Variants in OCA2 observed in about 807,000 individuals in gnomAD.
OCA2 encodes P protein.
Under a neutral mutation model 100.2 loss-of-function variants are expected in OCA2, and 77 were observed. The ratio of observed to expected loss-of-function variants is 0.77; its 90% CI spans 0.64 to 0.93. OCA2 has a LOEUF of 0.93. Ranked by LOEUF, OCA2 falls within the 40% of genes least tolerant of loss-of-function variation. OCA2 has a pLI of 0.00. For missense variants in OCA2, 1,062 were observed against 1,089.1 expected, an observed-to-expected ratio of 0.98 and a Z score of 0.35; for synonymous variants, 432 against 439.2, an observed-to-expected ratio of 0.98 and a Z score of 0.21.
In OCA2 at chr15:27,951,800, G is replaced by A. The variant is rs763989326; in HGVS notation, c.1935C>T (p.Gly645=). The change falls in exon 18 of 24, where the codon GGC becomes GGT. Residue 645 remains glycine (G), a synonymous_variant. Transcript: ENST00000354638. The part of the protein sequence containing the change: ...FMFFLNSFVP[G]IHLDLGWIAI... ...TAGACTCACCAAGATCAAGATGAAT[G>A]CCAGGGACAAACGAATTGAGGAAAA... 5 of 1,610,496 alleles carry A rather than the reference G, an allele frequency of 3.1e-6. No individual in the cohort carries two copies. In the African/African-American group the frequency reaches 6.7e-5, roughly 22 times the overall value.
At chr15:27,973,759 G>A (rs1368951365) in intron 14 of OCA2, among the ~76,000 whole-genome samples, 1 of 152,134 alleles carries the variant, frequency 6.6e-6, no homozygotes, top group African/African-American at 2.4e-5. Flanking sequence ...CATTGAATCT[G>A]TAAGTTACTT....
intron 19 of OCA2, among the ~76,000 whole-genome samples, chr15:27,872,772 C>T (rs2036634148): frequency 1.3e-5 from 2 of 151,882 alleles, no homozygotes; most frequent in Non-Finnish European, 2.9e-5. Flanking sequence ...TCACTGCAAC[C>T]TCCACCTCCC....
chr15:27,945,458 G>T (rs1238100745), intron 18 of OCA2, among the ~76,000 whole-genome samples: 1 of 152,176 alleles, frequency 6.6e-6, no homozygotes, highest in Non-Finnish European at 1.5e-5. Flanking sequence ...GAGAAGCAAG[G>T]AGCTGAGGGC....
the OCA2 span, among the ~76,000 whole-genome samples, chr15:27,734,891 C>T: frequency 7.9e-5 from 12 of 152,298 alleles, no homozygotes; most frequent in Non-Finnish European, 1.8e-4. Context: ...TCTGCAAAGT[C>T]TGAAATAAGC....
At chr15:27,922,047 C>T (rs1239387230) in intron 19 of OCA2, among the ~76,000 whole-genome samples, 5 of 152,194 alleles carry the variant, frequency 3.3e-5, no homozygotes, top group African/African-American at 9.7e-5. Flanking sequence ...ATTTACAGTA[C>T]TGTACTGTGT....
At chr15:27,896,314 T>C (rs538908509) in intron 19 of OCA2, 2 of 914,966 alleles carry the variant, frequency 2.2e-6, no homozygotes, top group Admixed American at 1.7e-5. Context: ...GCAGATTACA[T>C]GTGCTACTTA....
intron 2 of OCA2, among the ~76,000 whole-genome samples, chr15:28,054,651 T>A (rs1321754880): frequency 2.0e-5 from 3 of 152,234 alleles, no homozygotes; most frequent in African/African-American, 7.2e-5. Flanking sequence ...CTAGTACTCT[T>A]ACATTATTGT....
rs752903316 is a variant in OCA2, at chr15:28,028,032, T to C, written c.354A>G (p.Pro118=). The C allele has an allele frequency of 1.2e-6, 2 of 1,614,224 alleles. No homozygotes were observed. Among genetic ancestry groups the C allele is most frequent in the Middle Eastern group, 1.6e-4 (1 of 6,062 alleles). The change falls in exon 4 of 24, where the codon CCA becomes CCG. Residue 118 remains proline (P), a synonymous_variant. Coordinates refer to ENST00000354638, the MANE Select transcript of OCA2 (RefSeq NM_000275.3). ...AAGACTCTTCAGCAGTGATGAACTC[T>C]GGATGGTAAACAGGTATGCACCGTG... ...KGSRCIPVYH[P]EFITAEESWE... is the part of the protein sequence containing the mutation.
At chr15:27,729,019 T>C in the OCA2 span, among the ~76,000 whole-genome samples, 1 of 152,146 alleles carries the variant, frequency 6.6e-6, no homozygotes, top group Non-Finnish European at 1.5e-5. Context: ...CAGACTGCAC[T>C]TTCAACGCTT....
the OCA2 span, among the ~76,000 whole-genome samples, chr15:27,731,674 G>T: frequency 2.0e-5 from 3 of 152,212 alleles, no homozygotes; most frequent in South Asian, 6.2e-4. Context: ...CCCTGGGGGT[G>T]TACTTAAATT....
At chr15:27,962,864 A>G (rs2040450298) in intron 15 of OCA2, among the ~76,000 whole-genome samples, 1 of 152,210 alleles carries the variant, frequency 6.6e-6, no homozygotes, top group South Asian at 2.1e-4. Flanking sequence ...GAGTAGATAA[A>G]AAATCAGGAT....
At chr15:27,901,689 T>A (rs898770298) in intron 19 of OCA2, among the ~76,000 whole-genome samples, 2 of 152,152 alleles carry the variant, frequency 1.3e-5, no homozygotes, top group Non-Finnish European at 2.9e-5. Context: ...ATAACCTAAA[T>A]GTCAACAAAA....
chr15:27,838,204 G>T (rs1162954985), intron 23 of OCA2, among the ~76,000 whole-genome samples: 1 of 152,104 alleles, frequency 6.6e-6, no homozygotes, highest in Non-Finnish European at 1.5e-5. Flanking sequence ...AAAACAACCT[G>T]AATCCAAAAC....
intron 23 of OCA2, among the ~76,000 whole-genome samples, chr15:27,819,716 ATG>A (rs35627155): frequency 9.2e-5 from 14 of 151,632 alleles, no homozygotes; most frequent in African/African-American, 2.9e-4. Context: ...ATGTATATAA[ATG>A]TGTGTGTGTG....
chr15:28,058,769 C>G (rs1026850263), intron 2 of OCA2, among the ~76,000 whole-genome samples: 16 of 152,222 alleles, frequency 1.1e-4, no homozygotes, highest in African/African-American at 2.4e-5. Flanking sequence ...TAGCTATGAA[C>G]AGCTCCTCCC....
At chr15:27,905,756 A>G (rs1257325744) in intron 19 of OCA2, among the ~76,000 whole-genome samples, 1 of 152,250 alleles carries the variant, frequency 6.6e-6, no homozygotes, top group Non-Finnish European at 1.5e-5. Flanking sequence ...CATTAAATGA[A>G]CAAGAGAAAA....
chr15:27,872,597 TG>T (rs1263951164), intron 19 of OCA2, among the ~76,000 whole-genome samples: 1 of 152,208 alleles, frequency 6.6e-6, no homozygotes, highest in Non-Finnish European at 1.5e-5. Context: ...AGCACCTCTG[TG>T]GGTGTGGCCT....
At chr15:27,757,807 C>T (rs758725137) in intron 23 of OCA2, among the ~76,000 whole-genome samples, 7 of 152,268 alleles carry the variant, frequency 4.6e-5, no homozygotes, top group South Asian at 4.1e-4. Context: ...CTCCTCAAAC[C>T]GGGACACCTG....
rs537566608 is a variant in OCA2 at position 28,069,283 on chromosome 15, A to G, written c.227+12365T>C. 5.3e-5 allele frequency among the ~76,000 whole-genome samples: 8 copies of G among 151,436 alleles called. 1 individual carries two copies. In the South Asian group the frequency reaches 1.7e-3, roughly 32 times the overall value. On this transcript the variant is annotated intron_variant, in intron 2 of 23. Transcript: ENST00000354638. ...AAATCAACAGCATTTCTATACAACA[A>G]TAAAGTCCAAATGGGAGTGAAATGA...
Sources: allele counts gnomAD v4.1 joint callset (sites outside exome capture counted in the v4.1 genomes callset), GRCh38; gene constraint gnomAD v4.1.1; transcripts MANE v1.5; gene names NCBI Gene and HGNC (gene_info 2026-07-23, HGNC 2026-07-21).